GTF2A1L: variants seen among roughly 807,000 people sequenced by gnomAD.
GTF2A1L encodes the protein TFIIA-alpha and beta-like factor.
A neutral mutation model predicts 49.7 loss-of-function variants in GTF2A1L; 48 were observed. That is an observed-to-expected ratio of 0.97 (90% confidence interval 0.77 to 1.23). GTF2A1L has a LOEUF of 1.23. GTF2A1L is among the 50% of genes most tolerant of loss of function. GTF2A1L has a pLI of 0.00. For missense variants in GTF2A1L, 736 were observed against 564.8 expected (o/e 1.30, Z -3.07); for synonymous variants, 246 against 193.5 (o/e 1.27, Z -2.25).
intron 8 of GTF2A1L, among the ~76,000 whole-genome samples, 165 bp downstream of exon 8, chr2:48,671,845 A>G (rs1305573458): frequency 1.3e-5 from 2 of 152,180 alleles, no homozygotes; most frequent in Admixed American, 6.5e-5. Context: ...GCGCTGTGCT[A>G]TGTGATCTCA....
At chr2:48,649,679 G>A (rs1274308719) in intron 6 of GTF2A1L, among the ~76,000 whole-genome samples, 2 of 152,164 alleles carry the variant, frequency 1.3e-5, no homozygotes, top group South Asian at 4.1e-4. Flanking sequence ...CTCTCTTCCT[G>A]GTGGCTTCCA....
At chr2:48,636,522 C>A (rs1329831939) in intron 3 of GTF2A1L, among the ~76,000 whole-genome samples, 2 of 152,182 alleles carry the variant, frequency 1.3e-5, no homozygotes, top group South Asian at 2.1e-4. Flanking sequence ...GCTAAGATGT[C>A]TACAGTTTTA....
chr2:48,620,550 C>T (rs190299397), intron 1 of GTF2A1L, among the ~76,000 whole-genome samples: 2 of 152,084 alleles, frequency 1.3e-5, no homozygotes, highest in African/African-American at 2.4e-5. Context: ...GAGGCTGAGG[C>T]GGGTGGATCA....
At chr2:48,677,085 C>T (rs1679507948) in intron 8 of GTF2A1L, among the ~76,000 whole-genome samples, 1 of 151,728 alleles carries the variant, frequency 6.6e-6, no homozygotes, top group African/African-American at 2.4e-5. Flanking sequence ...TTTGTCTGTC[C>T]ATAGGCCTAT....
intron 6 of GTF2A1L, 93 bp downstream of exon 6, chr2:48,647,135 G>T: frequency 6.3e-6 from 7 of 1,119,714 alleles, no homozygotes; most frequent in East Asian, 2.9e-5. Flanking sequence ...ATGTTAATCA[G>T]AATTATATAT....
At chr2:48,671,741 T>C (rs1456006928) in intron 8 of GTF2A1L, 61 bp downstream of exon 8, 1 of 1,435,900 alleles carries the variant, frequency 7.0e-7, no homozygotes, top group African/African-American at 1.4e-5. Context: ...GAAAGGTATG[T>C]AAAATGATGG....
At position 48,646,808 on chromosome 2, in the gene GTF2A1L, A is replaced by G. The variant is rs1448491245; in HGVS notation, c.744A>G (p.Val248=). 9 of 1,614,094 alleles carry G rather than the reference A, an allele frequency of 5.6e-6. No homozygotes were observed. The highest frequency in any genetic ancestry group is 2.2e-5 in the South Asian group (2 of 91,080). Residue 248 remains valine, a synonymous_variant, in exon 6 of 9, where the codon GTA becomes GTG. Transcript: ENST00000403751. ...SSHYISLPGV[V]FSPQVSQTNS... Reference sequence around the variant, plus strand: ...ACTATATCAGTCTTCCAGGTGTTGTATTTTCTCCACAGGTCTCTCAAACAA... The same window carrying G: ...ACTATATCAGTCTTCCAGGTGTTGTGTTTTCTCCACAGGTCTCTCAAACAA...
chr2:48,646,330 C>T (rs1298491413), intron 5 of GTF2A1L, 123 bp from the exon 6 acceptor site: 2 of 815,248 alleles, frequency 2.5e-6, no homozygotes, highest in African/African-American at 1.8e-5. Flanking sequence ...AGATAACCAC[C>T]ATTAACATAT....
At chr2:48,641,426 G>A (rs768039869) in intron 3 of GTF2A1L, among the ~76,000 whole-genome samples, 2 of 152,048 alleles carry the variant, frequency 1.3e-5, no homozygotes, top group Non-Finnish European at 2.9e-5. Flanking sequence ...TTTATGTGAC[G>A]GAGCCATTCT....
At chr2:48,631,924 C>T (rs76957543) in intron 3 of GTF2A1L, among the ~76,000 whole-genome samples, 1 of 152,160 alleles carries the variant, frequency 6.6e-6, no homozygotes, top group Non-Finnish European at 1.5e-5. Flanking sequence ...ACCCAAAAGT[C>T]ATTCAGGAGC....
rs113843704 is a variant in GTF2A1L at position 48,658,514 on chromosome 2, A to G, written c.979-11208A>G. 5.5e-4 allele frequency among the ~76,000 whole-genome samples: 84 copies of G among 152,186 alleles called. 1 individual carries two copies. Among genetic ancestry groups the G allele is most frequent in the African/African-American group, 1.9e-3 (80 of 41,524 alleles). ...GCTTTGGTTACTGTAGCCTTATAAT[A>G]TGGGTTGAAGTTAGGTAATGTGATG... On this transcript the variant is annotated intron_variant, in intron 6 of 8. Transcript: ENST00000403751.
At chr2:48,648,553 G>A (rs1014659881) in intron 6 of GTF2A1L, among the ~76,000 whole-genome samples, 1 of 151,998 alleles carries the variant, frequency 6.6e-6, no homozygotes, top group African/African-American at 2.4e-5. Context: ...AACCACAGTA[G>A]GTTCAAATTC....
chr2:48,675,705 C>G (rs1390978570), intron 8 of GTF2A1L, among the ~76,000 whole-genome samples: 1 of 151,870 alleles, frequency 6.6e-6, no homozygotes, highest in East Asian at 1.9e-4. Context: ...GAATGTGAAA[C>G]CATTTGAATA....
intron 8 of GTF2A1L, among the ~76,000 whole-genome samples, chr2:48,678,196 A>T (rs1317433648): frequency 2.0e-5 from 3 of 151,978 alleles, no homozygotes; most frequent in East Asian, 1.9e-4. Flanking sequence ...AAATATAGTC[A>T]CTAGATAAAG....
At chr2:48,641,348 T>C (rs978942872) in intron 3 of GTF2A1L, among the ~76,000 whole-genome samples, 1 of 152,224 alleles carries the variant, frequency 6.6e-6, no homozygotes, top group Non-Finnish European at 1.5e-5. Flanking sequence ...CTGTAGCCTT[T>C]CTTCTGTTGT....
At chr2:48,668,862 A>AAATG (rs1679014461) in intron 6 of GTF2A1L, among the ~76,000 whole-genome samples, 1 of 151,984 alleles carries the variant, frequency 6.6e-6, no homozygotes, top group Non-Finnish European at 1.5e-5. Flanking sequence ...ATAAATAAAT[A>AAATG]AATACACAAA....
chr2:48,675,384 A>G (rs1166547309), intron 8 of GTF2A1L, among the ~76,000 whole-genome samples: 1 of 152,060 alleles, frequency 6.6e-6, no homozygotes, highest in East Asian at 1.9e-4. Flanking sequence ...TGGTTTCTTT[A>G]GTATATTTTA....
intron 6 of GTF2A1L, among the ~76,000 whole-genome samples, chr2:48,652,067 G>T (rs939531710): frequency 6.6e-6 from 1 of 152,126 alleles, no homozygotes; most frequent in African/African-American, 2.4e-5. Flanking sequence ...GAAGAAAAAA[G>T]TTGAGAATGA....
intron 3 of GTF2A1L, among the ~76,000 whole-genome samples, chr2:48,624,252 A>G (rs1460534409): frequency 6.9e-6 from 1 of 144,586 alleles, no homozygotes; most frequent in African/African-American, 2.5e-5. Flanking sequence ...AATTTAAAAA[A>G]TATTGGTTTA....
Sources: allele counts gnomAD v4.1 joint callset (sites outside exome capture counted in the v4.1 genomes callset), GRCh38; gene constraint gnomAD v4.1.1; transcripts MANE v1.5; gene names NCBI Gene and HGNC (gene_info 2026-07-23, HGNC 2026-07-21).